The following KLK11 variants were observed in gnomAD, a reference collection of about 807,000 sequenced individuals.
KLK11 encodes the protein kallikrein related peptidase 11.
Under a neutral mutation model 23.4 loss-of-function variants are expected in KLK11, and 10 were observed. That is an observed-to-expected ratio of 0.43 (90% CI 0.26 to 0.73). The LOEUF is 0.73. KLK11 is among the 30% of genes least tolerant of loss of function. KLK11 has a pLI of 0.22. For synonymous variants in KLK11, 131 were observed against 131.7 expected (o/e 0.99, Z 0.03); for missense variants, 285 against 327.8 (o/e 0.87, Z 1.01).
Position 51,024,013 on chromosome 19 carries a change from C to A in KLK11, c.463+32G>T. The A allele has an allele frequency of 6.8e-7, 1 of 1,479,028 alleles. No homozygotes were observed. Among genetic ancestry groups the A allele is most frequent in the East Asian group, 2.4e-5 (1 of 42,182 alleles). The allele number at this position is 1,479,028 out of a possible 1,614,324, so 91.6% of individuals were successfully genotyped here. On this transcript the variant is annotated intron_variant, in intron 4 of 5. Transcript: ENST00000453757. The surrounding 1 kb of genome is among the most constrained non-coding windows in gnomAD (Gnocchi z 6.2). ...AATCCTGACCACTCCCTCCTCACCACCCCCTGCCAGGTTCCCCTCTGGTGC... is the reference window on the plus strand; with the variant it reads ...AATCCTGACCACTCCCTCCTCACCAACCCCTGCCAGGTTCCCCTCTGGTGC...
In KLK11 at chr19:51,024,277, G is replaced by C; in HGVS notation, c.231C>G (p.Leu77=). 1 of 1,614,028 alleles carries C rather than the reference G, an allele frequency of 6.2e-7. No homozygotes were observed. Among genetic ancestry groups the C allele is most frequent in the Non-Finnish European group, 8.5e-7 (1 of 1,179,970 alleles). Reference sequence around the variant, plus strand: ...TCTGCTCACAGCCCTCCTCCTTCTGGAGGTTGTGCTGCCCCAGGTGAACTA... The same window carrying C: ...TCTGCTCACAGCCCTCCTCCTTCTGCAGGTTGTGCTGCCCCAGGTGAACTA... ...RYIVHLGQHN[L]QKEEGCEQTR... The change falls in exon 4 of 6, where the codon CTC becomes CTG. Residue 77 remains leucine, a synonymous_variant. Coordinates refer to ENST00000453757, the MANE Select transcript of KLK11 (RefSeq NM_001136032.3). This position sits in a 1 kb window ranked among gnomAD's most constrained non-coding sequence, Gnocchi z 6.2.
Position 51,025,655 on chromosome 19 carries a change from C to A in KLK11, c.-24G>T. On this transcript the variant is annotated 5_prime_UTR_variant, in exon 2 of 6. Transcript: ENST00000453757. This position sits in a 1 kb window ranked among gnomAD's most constrained non-coding sequence, Gnocchi z 6.2. The stretch of plus-strand genomic sequence containing the variant: ...ATGGCCTGGAGGGGGGAGGAGCGGG[C>A]CCCAGGTTCCTCTGGGAACAAGGAG... The A allele has an allele frequency of 6.4e-7, 1 of 1,574,322 alleles. No homozygotes were observed.
At chr19:51,027,494 C>T (rs1285780393), upstream of KLK11, 4 of 1,614,094 alleles carry the variant, frequency 2.5e-6, no homozygotes, top group East Asian at 6.7e-5. Flanking sequence ...ACTTCCAGTC[C>T]CGCAGCCACC....
chr19:51,025,269 T>C lies in KLK11; in HGVS notation c.40+323A>G, dbSNP rs2091464381. On this transcript the variant is annotated intron_variant, in intron 2 of 5. Coordinates refer to ENST00000453757, the MANE Select transcript of KLK11 (RefSeq NM_001136032.3). The surrounding 1 kb of genome is among the most constrained non-coding windows in gnomAD (Gnocchi z 6.2). ...GGACAATAGAGCAAGACTTTGTCTC[T>C]GGGAAAAAAAAAAAAGGAAATACTT... Among the ~76,000 whole-genome samples, 1 of 142,250 alleles carries C rather than the reference T, an allele frequency of 7.0e-6. No individual in the cohort carries two copies. The highest frequency in any genetic ancestry group is 6.9e-5 in the Admixed American group (1 of 14,452). The allele number at this position is 142,250 out of a possible 152,430, so 93.3% of individuals were successfully genotyped here. A position where few individuals can be genotyped will look rare whatever the true frequency, so the allele number is the denominator to read the frequency against.
upstream of KLK11, chr19:51,027,363 C>A: frequency 3.8e-6 from 5 of 1,309,346 alleles, no homozygotes; most frequent in Middle Eastern, 2.1e-4. Flanking sequence ...GTGCTCCACC[C>A]CAGGGCTCCT....
In KLK11 at chr19:51,024,163, C is replaced by T. The variant is rs199754236; in HGVS notation, c.345G>A (p.Lys115=). The change falls in exon 4 of 6, where the codon AAG becomes AAA. Residue 115 remains lysine, a synonymous_variant. Transcript: ENST00000453757. The surrounding 1 kb of genome is among the most constrained non-coding windows in gnomAD (Gnocchi z 6.2). ...AGGTGATGGAGACTGGCGATGCCAT[C>T]TTCACCAGCATGATGTCATTGCGGT... is the stretch of plus-strand genomic sequence containing the variant. ...KDHRNDIMLV[K]MASPVSITWA... is the part of the protein sequence containing the mutation. 10 of 1,613,732 alleles carry T rather than the reference C, an allele frequency of 6.2e-6. No homozygotes were observed. Among genetic ancestry groups the T allele is most frequent in the Non-Finnish European group, 8.5e-6 (10 of 1,179,850 alleles).
Position 51,022,515 on chromosome 19 carries a change from G to GCACC in KLK11, c.*29_*30insGGTG. ...GAACCAAACACCAAGTGGAAATGGA[G>GCACC]GGTGATGGGCTGTGGTGGGTGGGTC... On this transcript the variant is annotated 3_prime_UTR_variant, in exon 6 of 6. Coordinates refer to ENST00000453757, the MANE Select transcript of KLK11 (RefSeq NM_001136032.3). The GCACC allele has an allele frequency of 6.2e-7, 1 of 1,613,748 alleles. No homozygotes were observed. The highest frequency in any genetic ancestry group is 1.1e-5 in the South Asian group (1 of 91,024).
Position 51,024,470 on chromosome 19 carries a change from C to A in KLK11, c.198-160G>T. 7.7e-7 allele frequency: 1 copy of A among 1,299,858 alleles called. No individual in the cohort carries two copies. The highest frequency in any genetic ancestry group is 1.5e-5 in the South Asian group (1 of 67,490). 80.5% of individuals were successfully genotyped at this position (1,299,858 alleles called of 1,614,324 possible). ...TTCCCAGCCATAGCCCCATCCCAACCCCATTCATCCCCCCACCTTCAATAC... is the reference window on the plus strand; with the variant it reads ...TTCCCAGCCATAGCCCCATCCCAACACCATTCATCCCCCCACCTTCAATAC... On this transcript the variant is annotated intron_variant, in intron 3 of 5. Coordinates refer to ENST00000453757, the MANE Select transcript of KLK11 (RefSeq NM_001136032.3). This position sits in a 1 kb window ranked among gnomAD's most constrained non-coding sequence, Gnocchi z 6.2.
chr19:51,024,834 G>C lies in KLK11; in HGVS notation c.41-40C>G, dbSNP rs1179260035. The stretch of plus-strand genomic sequence containing the variant: ...AGCAAAAGAAGGGGCTCAGGAAGGA[G>C]AGGTGGTAGACCAGGAGGACTCCCA... On this transcript the variant is annotated intron_variant, in intron 2 of 5. Transcript: ENST00000453757. The surrounding 1 kb of genome is among the most constrained non-coding windows in gnomAD (Gnocchi z 6.2). 6.6e-6 allele frequency: 10 copies of C among 1,513,778 alleles called. No individual in the cohort carries two copies. Among genetic ancestry groups the C allele is most frequent in the Non-Finnish European group, 8.8e-6 (10 of 1,136,992 alleles). The allele number at this position is 1,513,778 out of a possible 1,614,324, so 93.8% of individuals were successfully genotyped here. A position where few individuals can be genotyped will look rare whatever the true frequency, so the allele number is the denominator to read the frequency against.
Position 51,024,898 on chromosome 19 carries a change from C to A in KLK11, c.41-104G>T. 8.8e-7 allele frequency: 1 copy of A among 1,138,544 alleles called. No homozygotes were observed. The highest frequency in any genetic ancestry group is 1.8e-5 in the South Asian group (1 of 56,424). 70.5% of individuals were successfully genotyped at this position (1,138,544 alleles called of 1,614,324 possible). A position where few individuals can be genotyped will look rare whatever the true frequency, so the allele number is the denominator to read the frequency against. On this transcript the variant is annotated intron_variant, in intron 2 of 5. Transcript: ENST00000453757. The surrounding 1 kb of genome is among the most constrained non-coding windows in gnomAD (Gnocchi z 6.2). ...GGAGGAGAGAAAGAGAGTGGGTGGT[C>A]TGGGCCCTGGTCTGGTGTCCCTCTG...
In KLK11 at chr19:51,025,492, G is replaced by T; in HGVS notation, c.40+100C>A. The T allele has an allele frequency of 1.3e-6, 1 of 753,902 alleles. No individual in the cohort carries two copies. The highest frequency in any genetic ancestry group is 2.1e-6 in the Non-Finnish European group (1 of 485,208). 46.7% of individuals were successfully genotyped at this position (753,902 alleles called of 1,614,324 possible). ...GTTCAGGTGCCTTATGGGTTGTTCT[G>T]TAATTTGGAATCAGCCCTGTCACTG... On this transcript the variant is annotated intron_variant, in intron 2 of 5. Transcript: ENST00000453757. This position sits in a 1 kb window ranked among gnomAD's most constrained non-coding sequence, Gnocchi z 6.2.
chr19:51,025,968 A>G lies in KLK11; in HGVS notation c.-35-302T>C, dbSNP rs1433013384. Reference sequence around the variant, plus strand: ...GTCAAGCCATGGTTCGGCCCTGTTCAAGTCAGCCATGGGACCTCCCCGGCA... The same window carrying G: ...GTCAAGCCATGGTTCGGCCCTGTTCGAGTCAGCCATGGGACCTCCCCGGCA... On this transcript the variant is annotated intron_variant, in intron 1 of 5. Coordinates refer to ENST00000453757, the MANE Select transcript of KLK11 (RefSeq NM_001136032.3). This position sits in a 1 kb window ranked among gnomAD's most constrained non-coding sequence, Gnocchi z 6.2. Among the ~76,000 whole-genome samples, 10 of 152,112 alleles carry G rather than the reference A, an allele frequency of 6.6e-5. No homozygotes were observed. The highest frequency in any genetic ancestry group is 6.5e-4 in the Admixed American group (10 of 15,278).
chr19:51,024,301 T>C lies in KLK11; in HGVS notation c.207A>G (p.Ile69Met). The part of the protein sequence containing the change: ...TAAHCLKPRY[I>M]VHLGQHNLQK... ...GGAGGTTGTGCTGCCCCAGGTGAAC[T>C]ATGTAGCGGCTGAGGTGGGAGAGAC... The change falls in exon 4 of 6, where the codon ATA becomes ATG. Residue 69 changes from isoleucine (I) to methionine (M), a missense_variant. Transcript: ENST00000453757. The surrounding 1 kb of genome is among the most constrained non-coding windows in gnomAD (Gnocchi z 6.2). 6.2e-7 allele frequency: 1 copy of C among 1,613,650 alleles called. No individual in the cohort carries two copies. Among genetic ancestry groups the C allele is most frequent in the Non-Finnish European group, 8.5e-7 (1 of 1,179,846 alleles).
Position 51,024,725 on chromosome 19 carries a change from G to T in KLK11, c.110C>A (p.Ala37Glu). ...TAGCCGCGTCTTCTCGAACAGGGCT[G>T]CCTGCCAGGGCTGGGAGTGAGGCTT... Reference protein sequence around the residue: ...ECKPHSQPWQAALFEKTRLLC... With the variant: ...ECKPHSQPWQEALFEKTRLLC... Residue 37 changes from alanine to glutamate, a missense_variant, in exon 3 of 6, where the codon GCA becomes GAA. Coordinates refer to ENST00000453757, the MANE Select transcript of KLK11 (RefSeq NM_001136032.3). The surrounding 1 kb of genome is among the most constrained non-coding windows in gnomAD (Gnocchi z 6.2). 6.2e-7 allele frequency: 1 copy of T among 1,602,220 alleles called. No individual in the cohort carries two copies.
At chr19:51,027,864 C>T (rs937506416), upstream of KLK11, 1 of 244,582 alleles carries the variant, frequency 4.1e-6, no homozygotes, top group Non-Finnish European at 8.0e-6. Context: ...GCAAATGTGC[C>T]TCCGCTGGTA....
rs556356051 is a variant in KLK11 at position 51,024,403 on chromosome 19, G to A, written c.198-93C>T. 56 of 1,545,908 alleles carry A rather than the reference G, an allele frequency of 3.6e-5. 1 individual carries two copies. The East Asian group carries it at 7.7e-4, about 21-fold the overall frequency. ...ACACCTTTGAGGATGAAGAAACATC[G>A]CTCTGCTTCCAACCTCTTCCACGTC... On this transcript the variant is annotated intron_variant, in intron 3 of 5. Coordinates refer to ENST00000453757, the MANE Select transcript of KLK11 (RefSeq NM_001136032.3). This position sits in a 1 kb window ranked among gnomAD's most constrained non-coding sequence, Gnocchi z 6.2.
At position 51,025,640 on chromosome 19, in the gene KLK11, G is replaced by T; in HGVS notation, c.-9C>A. On this transcript the variant is annotated 5_prime_UTR_variant, in exon 2 of 6. Transcript: ENST00000453757. The surrounding 1 kb of genome is among the most constrained non-coding windows in gnomAD (Gnocchi z 6.2). Reference sequence around the variant, plus strand: ...AACTGCAGAATCCTCATGGCCTGGAGGGGGGAGGAGCGGGCCCCAGGTTCC... The same window carrying T: ...AACTGCAGAATCCTCATGGCCTGGATGGGGGAGGAGCGGGCCCCAGGTTCC... 1.3e-5 allele frequency: 21 copies of T among 1,585,290 alleles called. No homozygotes were observed. Among genetic ancestry groups the T allele is most frequent in the Non-Finnish European group, 1.8e-5 (21 of 1,165,458 alleles).
Position 51,024,869 on chromosome 19 carries a change from G to T in KLK11, c.41-75C>A, listed in dbSNP as rs931228420. 100 of 1,383,572 alleles carry T rather than the reference G, an allele frequency of 7.2e-5. No individual in the cohort carries two copies. In the South Asian group the frequency reaches 1.3e-3, roughly 17 times the overall value. The allele number at this position is 1,383,572 out of a possible 1,614,324, so 85.7% of individuals were successfully genotyped here. A position where few individuals can be genotyped will look rare whatever the true frequency, so the allele number is the denominator to read the frequency against. On this transcript the variant is annotated intron_variant, in intron 2 of 5. Coordinates refer to ENST00000453757, the MANE Select transcript of KLK11 (RefSeq NM_001136032.3). This position sits in a 1 kb window ranked among gnomAD's most constrained non-coding sequence, Gnocchi z 6.2. ...ACCAGGAGGACTCCCAGAAATGGGGGTGGGGAGGAGAGAAAGAGAGTGGGT... is the reference window on the plus strand; with the variant it reads ...ACCAGGAGGACTCCCAGAAATGGGGTTGGGGAGGAGAGAAAGAGAGTGGGT...
Position 51,025,653 on chromosome 19 carries a change from G to A in KLK11, c.-22C>T. Reference sequence around the variant, plus strand: ...TCATGGCCTGGAGGGGGGAGGAGCGGGCCCCAGGTTCCTCTGGGAACAAGG... The same window carrying A: ...TCATGGCCTGGAGGGGGGAGGAGCGAGCCCCAGGTTCCTCTGGGAACAAGG... On this transcript the variant is annotated 5_prime_UTR_variant, in exon 2 of 6. Transcript: ENST00000453757. The surrounding 1 kb of genome is among the most constrained non-coding windows in gnomAD (Gnocchi z 6.2). The A allele has an allele frequency of 1.3e-6, 2 of 1,578,494 alleles. No homozygotes were observed. Among genetic ancestry groups the A allele is most frequent in the Non-Finnish European group, 1.7e-6 (2 of 1,162,116 alleles).
Sources: allele counts gnomAD v4.1 joint callset (sites outside exome capture counted in the v4.1 genomes callset), GRCh38; gene constraint gnomAD v4.1.1; non-coding constraint Gnocchi (gnomAD v3.1); transcripts MANE v1.5; gene names NCBI Gene and HGNC (gene_info 2026-07-23, HGNC 2026-07-21).